The following SLF1 variants were observed in gnomAD, a reference collection of about 807,000 sequenced individuals.
The protein encoded by SLF1 is SMC5/6 complex localization factor 1.
Under a neutral mutation model 123.0 loss-of-function variants are expected in SLF1, and 105 were observed. The ratio of observed to expected loss-of-function variants is 0.85; its 90% CI spans 0.73 to 1.00. The LOEUF is 1.00. Among genes scored for constraint, SLF1 ranks in the 50% least tolerant of loss-of-function variants. SLF1 has a pLI of 0.00. For missense variants in SLF1, 1,239 were observed against 1,223.0 expected (o/e 1.01, Z -0.20); for synonymous variants, 434 against 406.6 (o/e 1.07, Z -0.81).
At position 94,649,424 on chromosome 5, in the gene SLF1, A is replaced by G. The variant is rs149936002; in HGVS notation, c.595-30A>G. On this transcript the variant is annotated intron_variant, in intron 5 of 20. Coordinates refer to ENST00000265140, the MANE Select transcript of SLF1 (RefSeq NM_032290.4). ...ATAATATTGAAAATACACTTAGATG[A>G]TTGCCTAAACCATTTTTACATACAT... is the stretch of plus-strand genomic sequence containing the variant. 68 of 1,410,420 alleles carry G rather than the reference A, an allele frequency of 4.8e-5. No homozygotes were observed. In the African/African-American group the frequency reaches 7.3e-4, roughly 15 times the overall value. The allele number at this position is 1,410,420 out of a possible 1,614,324, so 87.4% of individuals were successfully genotyped here. A position where few individuals can be genotyped will look rare whatever the true frequency, so the allele number is the denominator to read the frequency against.
chr5:94,687,241 G>A (rs1015084331), intron 16 of SLF1, among the ~76,000 whole-genome samples: 5 of 152,212 alleles, frequency 3.3e-5, no homozygotes, highest in Non-Finnish European at 7.3e-5. Context: ...AGTGCCTGTA[G>A]TTCCAGCTAC....
intron 18 of SLF1, 65 bp from the exon 19 acceptor site, chr5:94,691,499 T>G: frequency 6.1e-6 from 8 of 1,314,710 alleles, no homozygotes; most frequent in Non-Finnish European, 8.4e-6. Flanking sequence ...GTTCATGCCC[T>G]TTGATTATTT....
At chr5:94,630,249 C>A (rs1333401024) in intron 3 of SLF1, among the ~76,000 whole-genome samples, 1 of 151,892 alleles carries the variant, frequency 6.6e-6, no homozygotes, top group Non-Finnish European at 1.5e-5. Context: ...GTAATTATAA[C>A]TAAGTTATAG....
chr5:94,676,871 G>C (rs1263906472), intron 14 of SLF1, among the ~76,000 whole-genome samples: 1 of 152,186 alleles, frequency 6.6e-6, no homozygotes, highest in African/African-American at 2.4e-5. Context: ...AGAGCTATTA[G>C]ATATGGAATG....
chr5:94,626,432 T>A (rs929981682), intron 1 of SLF1, among the ~76,000 whole-genome samples: 2 of 152,168 alleles, frequency 1.3e-5, no homozygotes, highest in Non-Finnish European at 2.9e-5. Flanking sequence ...CCTGTAACTT[T>A]TTTTAAAAAG....
At position 94,697,430 on chromosome 5, in the gene SLF1, T is replaced by G. The variant is rs906968874; in HGVS notation, c.*2118T>G. On this transcript the variant is annotated 3_prime_UTR_variant, in exon 21 of 21. Coordinates refer to ENST00000265140, the MANE Select transcript of SLF1 (RefSeq NM_032290.4). ...TTCTCAATAAGTAAAGTATAATTCA[T>G]AGTCTTAGTCCTAGATTTTCAATGG... The G allele has an allele frequency of 6.6e-6, 1 of 151,942 alleles. No homozygotes were observed. The highest frequency in any genetic ancestry group is 1.5e-5 in the Non-Finnish European group (1 of 67,920). The allele number at this position is 151,942 out of a possible 1,614,324, so 9.4% of individuals were successfully genotyped here. A position where few individuals can be genotyped will look rare whatever the true frequency, so the allele number is the denominator to read the frequency against.
At chr5:94,627,049 A>G (rs1792311357) in intron 1 of SLF1, among the ~76,000 whole-genome samples, 1 of 152,162 alleles carries the variant, frequency 6.6e-6, no homozygotes, top group Non-Finnish European at 1.5e-5. Context: ...CTTTAAATAA[A>G]TGTATATATA....
In SLF1 at chr5:94,665,877, T is replaced by C. The variant is rs1277871058; in HGVS notation, c.1385T>C (p.Phe462Ser). 6.5e-7 allele frequency: 1 copy of C among 1,545,976 alleles called. No individual in the cohort carries two copies. The highest frequency in any genetic ancestry group is 8.8e-7 in the Non-Finnish European group (1 of 1,142,158). ...ENVLQDNIDT[F>S]SGRYFHILSA... ...AAATAATAGGATAACATAGATACAT[T>C]TTCTGGTCGATACTTTCATATATTG... is the stretch of plus-strand genomic sequence containing the variant. The change falls in exon 12 of 21, where the codon TTT becomes TCT. Residue 462 changes from phenylalanine to serine, a missense_variant. Coordinates refer to ENST00000265140, the MANE Select transcript of SLF1 (RefSeq NM_032290.4).
At chr5:94,641,671 T>G (rs1746463465) in intron 4 of SLF1, among the ~76,000 whole-genome samples, 1 of 152,194 alleles carries the variant, frequency 6.6e-6, no homozygotes, top group South Asian at 2.1e-4. Flanking sequence ...GGTGTCTCTT[T>G]TCATGCTCTT....
rs1266960094 is a variant in SLF1, at chr5:94,647,558, T to C, written c.595-1896T>C. On this transcript the variant is annotated intron_variant, in intron 5 of 20. Transcript: ENST00000265140. ...ATTAAGCAGGCTTTTAGTTATCCTT[T>C]AGTGCATAGCACTATACTTTACAAA... Among the ~76,000 whole-genome samples, 6 of 135,672 alleles carry C rather than the reference T, an allele frequency of 4.4e-5. No individual in the cohort carries two copies. In the East Asian group the frequency reaches 1.2e-3, roughly 28 times the overall value. The allele number at this position is 135,672 out of a possible 152,430, so 89.0% of individuals were successfully genotyped here. A position where few individuals can be genotyped will look rare whatever the true frequency, so the allele number is the denominator to read the frequency against.
chr5:94,644,384 A>G (rs566748066), intron 5 of SLF1, among the ~76,000 whole-genome samples: 1 of 151,870 alleles, frequency 6.6e-6, no homozygotes, highest in African/African-American at 2.4e-5. Context: ...CCTACGTAAA[A>G]CTCTTCAGTG....
chr5:94,667,176 G>C (rs1749867163), intron 12 of SLF1, among the ~76,000 whole-genome samples: 1 of 152,056 alleles, frequency 6.6e-6, no homozygotes, highest in African/African-American at 2.4e-5. Flanking sequence ...TACTTACGGA[G>C]AGCCAGACAC....
At chr5:94,637,732 C>A (rs1397163057) in intron 4 of SLF1, among the ~76,000 whole-genome samples, 1 of 151,904 alleles carries the variant, frequency 6.6e-6, no homozygotes, top group African/African-American at 2.4e-5. Flanking sequence ...CATCTCGTTC[C>A]CTAAATGGAG....
chr5:94,628,313 A>G (rs1744815486), intron 1 of SLF1, among the ~76,000 whole-genome samples: 2 of 151,240 alleles, frequency 1.3e-5, no homozygotes, highest in Admixed American at 6.6e-5. Context: ...TAATTTTTAT[A>G]TTTTTAGTAG....
intron 9 of SLF1, among the ~76,000 whole-genome samples, chr5:94,660,688 G>T (rs547604040): frequency 6.6e-6 from 1 of 152,140 alleles, no homozygotes; most frequent in Non-Finnish European, 1.5e-5. Context: ...GTAAGCCCTG[G>T]GACAACCCCC....
intron 13 of SLF1, among the ~76,000 whole-genome samples, chr5:94,670,597 A>G (rs372582065): frequency 1.3e-5 from 2 of 151,932 alleles, no homozygotes; most frequent in African/African-American, 4.8e-5. Context: ...CACTGAGCCT[A>G]CAATGGTAAG....
intron 12 of SLF1, among the ~76,000 whole-genome samples, chr5:94,668,960 C>G (rs969978886): frequency 6.6e-6 from 1 of 152,064 alleles, no homozygotes; most frequent in Non-Finnish European, 1.5e-5. Context: ...TCCTTAATAT[C>G]TAATATAATG....
chr5:94,629,394 T>G (rs1362240805), intron 3 of SLF1, among the ~76,000 whole-genome samples: 1 of 140,716 alleles, frequency 7.1e-6, no homozygotes, highest in Non-Finnish European at 1.6e-5. Context: ...CAACAAGGAT[T>G]TAGTGTGTTT....
chr5:94,654,161 AC>A (rs774653565), intron 8 of SLF1, among the ~76,000 whole-genome samples: 28 of 152,084 alleles, frequency 1.8e-4, no homozygotes, highest in Non-Finnish European at 3.8e-4. Context: ...CAAGAGTAAG[AC>A]CCCATCTCAA....
Sources: gnomAD v4.1 joint callset for allele counts (sites outside exome capture counted in the v4.1 genomes callset) on GRCh38, gnomAD v4.1.1 for gene constraint, MANE v1.5 for transcripts, NCBI Gene and HGNC (gene_info 2026-07-23, HGNC 2026-07-21) for gene names.